The following TRAF2 variants were observed in gnomAD, a reference collection of about 807,000 sequenced individuals.
The protein encoded by TRAF2 is TNF receptor associated factor 2.
A neutral mutation model predicts 55.6 loss-of-function variants in TRAF2; 6 were observed. The ratio of observed to expected loss-of-function variants is 0.11; its 90% CI spans 0.06 to 0.21. The LOEUF is 0.21. TRAF2 is among the 10% of genes least tolerant of loss of function. TRAF2 has a pLI of 1.00. For missense variants in TRAF2, 561 were observed against 684.5 expected, an observed-to-expected ratio of 0.82 and a Z score of 2.01; for synonymous variants, 329 against 276.3, an observed-to-expected ratio of 1.19 and a Z score of -1.89.
intron 6 of TRAF2, among the ~76,000 whole-genome samples, chr9:136,911,037 C>T (rs1588435946): frequency 6.6e-6 from 1 of 152,320 alleles, no homozygotes; most frequent in African/African-American, 2.4e-5. Flanking sequence ...CTGGAGGTGC[C>T]CCCGAGAGGT....
chr9:136,900,784 T>C, intron 4 of TRAF2: 1 of 430,256 alleles, frequency 2.3e-6, no homozygotes, highest in East Asian at 5.1e-5. Flanking sequence ...CTCAGGTTTC[T>C]TGTCTGTCGA....
chr9:136,910,217 C>T (rs1186240181), intron 6 of TRAF2: 1 of 597,740 alleles, frequency 1.7e-6, no homozygotes, highest in South Asian at 2.0e-5. Context: ...TCCTCATCCT[C>T]CAGTGTACAT....
rs974387791 is a variant in TRAF2, at chr9:136,904,747, A to G, written c.367-3323A>G. ...TTAATTAAATCTAAGAACATTGACTATTTGTGCTTTCGTTTTTAGGTTTCA... is the reference window on the plus strand; with the variant it reads ...TTAATTAAATCTAAGAACATTGACTGTTTGTGCTTTCGTTTTTAGGTTTCA... On this transcript the variant is annotated intron_variant, in intron 4 of 10. Coordinates refer to ENST00000247668, the MANE Select transcript of TRAF2 (RefSeq NM_021138.4). 5.8e-5 allele frequency among the ~76,000 whole-genome samples: 4 copies of G among 69,432 alleles called. No homozygotes were observed. The East Asian group carries it at 2.1e-3, about 36-fold the overall frequency. 45.6% of individuals were successfully genotyped at this position (69,432 alleles called of 152,430 possible). A position where few individuals can be genotyped will look rare whatever the true frequency, so the allele number is the denominator to read the frequency against.
intron 1 of TRAF2, among the ~76,000 whole-genome samples, chr9:136,896,765 C>T (rs1006524079): frequency 2.0e-5 from 3 of 152,116 alleles, no homozygotes; most frequent in African/African-American, 4.8e-5. Context: ...CCCGCCGCCA[C>T]GCCCGGCTAA....
At chr9:136,897,724 C>T (rs554410520) in intron 1 of TRAF2, among the ~76,000 whole-genome samples, 3 of 138,168 alleles carry the variant, frequency 2.2e-5, no homozygotes, top group African/African-American at 8.4e-5. Flanking sequence ...AGGTGTGCTA[C>T]GTTCCCGCTC....
chr9:136,897,687 G>T (rs1270270525), intron 1 of TRAF2, among the ~76,000 whole-genome samples: 1 of 140,150 alleles, frequency 7.1e-6, no homozygotes, highest in Non-Finnish European at 1.5e-5. Flanking sequence ...ACCCGTGGTA[G>T]CTAAAGGGAA....
chr9:136,919,361 C>T (rs1337264194), intron 7 of TRAF2, among the ~76,000 whole-genome samples: 11 of 142,950 alleles, frequency 7.7e-5, no homozygotes, highest in Admixed American at 2.2e-4. Context: ...TACAGTGGCG[C>T]GATCTCGGCT....
In TRAF2 at chr9:136,916,575, G is replaced by A. The variant is rs758339862; in HGVS notation, c.638G>A (p.Arg213Gln). 7.4e-6 allele frequency: 12 copies of A among 1,613,888 alleles called. No homozygotes were observed. Among genetic ancestry groups the A allele is most frequent in the South Asian group, 1.1e-5 (1 of 91,076 alleles). ...QDHVKTCGKC[R>Q]VPCRFHAIGC... ...CACGTCAAGACTTGTGGCAAGTGTCGAGTCCCTTGCAGATTCCACGCCATC... is the reference window on the plus strand; with the variant it reads ...CACGTCAAGACTTGTGGCAAGTGTCAAGTCCCTTGCAGATTCCACGCCATC... Residue 213 changes from arginine to glutamine, a missense_variant, in exon 7 of 11, where the codon CGA becomes CAA. This residue lies in a region of TRAF2 where 426 missense variants were observed against 476.8 expected (regional missense o/e 0.89). Transcript: ENST00000247668.
intron 1 of TRAF2, among the ~76,000 whole-genome samples, chr9:136,892,743 G>A (rs1378099666): frequency 2.6e-5 from 4 of 151,992 alleles, no homozygotes; most frequent in Admixed American, 2.6e-4. Flanking sequence ...AGCCAGGCGT[G>A]GTGACAGGCG....
At chr9:136,896,951 G>A (rs976415547) in intron 1 of TRAF2, among the ~76,000 whole-genome samples, 4 of 152,188 alleles carry the variant, frequency 2.6e-5, no homozygotes, top group Admixed American at 6.5e-5. Flanking sequence ...TGCCTGCCGG[G>A]TGACTGCTCG....
chr9:136,904,616 C>G (rs932689981), intron 4 of TRAF2, among the ~76,000 whole-genome samples: 3 of 151,968 alleles, frequency 2.0e-5, no homozygotes, highest in African/African-American at 4.8e-5. Context: ...ACTGTGTTAG[C>G]CAGGATGGTC....
At chr9:136,905,974 G>C (rs952315211) in intron 4 of TRAF2, among the ~76,000 whole-genome samples, 1 of 152,148 alleles carries the variant, frequency 6.6e-6, no homozygotes, top group African/African-American at 2.4e-5. Flanking sequence ...GTGTGGTGGC[G>C]GGCGCCCGTA....
intron 4 of TRAF2, among the ~76,000 whole-genome samples, chr9:136,901,595 C>CA (rs1454629642): frequency 1.3e-5 from 2 of 152,142 alleles, no homozygotes; most frequent in Non-Finnish European, 2.9e-5. Context: ...ATGGAGGAGA[C>CA]AGGGGTCATT....
At chr9:136,912,445 C>A (rs1850137681) in intron 6 of TRAF2, among the ~76,000 whole-genome samples, 1 of 152,164 alleles carries the variant, frequency 6.6e-6, no homozygotes, top group Admixed American at 6.6e-5. Flanking sequence ...CAGGCGTGAG[C>A]CACTGTGCCT....
intron 9 of TRAF2, chr9:136,922,593 C>CT (rs1235774314): frequency 1.3e-5 from 2 of 154,560 alleles, no homozygotes; most frequent in Non-Finnish European, 2.9e-5. Flanking sequence ...CAGAATGGGC[C>CT]TGGGGGCACG....
At chr9:136,919,329 G>A (rs1354981906) in intron 7 of TRAF2, among the ~76,000 whole-genome samples, 12 of 101,026 alleles carry the variant, frequency 1.2e-4, no homozygotes, top group Non-Finnish European at 2.2e-4. Context: ...ACAGAGTTTC[G>A]CTCTTGTTGC....
chr9:136,918,188 ATT>A (rs1242429459), intron 7 of TRAF2, among the ~76,000 whole-genome samples: 2 of 146,496 alleles, frequency 1.4e-5, no homozygotes, highest in Non-Finnish European at 3.0e-5. Context: ...ATGTAGGTCC[ATT>A]TGTTTCTTTT....
At chr9:136,910,480 C>G (rs537625636) in intron 6 of TRAF2, among the ~76,000 whole-genome samples, 9 of 152,294 alleles carry the variant, frequency 5.9e-5, no homozygotes, top group African/African-American at 2.2e-4. Context: ...GGTTTCTCTC[C>G]CAGTTGAGAG....
At chr9:136,917,389 G>C (rs1489606752) in intron 7 of TRAF2, among the ~76,000 whole-genome samples, 1 of 152,180 alleles carries the variant, frequency 6.6e-6, no homozygotes. Flanking sequence ...AGGCGCCTGG[G>C]TCTCTCCAGG....
Sources: allele counts gnomAD v4.1 joint callset (sites outside exome capture counted in the v4.1 genomes callset), GRCh38; gene constraint gnomAD v4.1.1; regional missense constraint gnomAD v4.1.1; transcripts MANE v1.5; gene names NCBI Gene and HGNC (gene_info 2026-07-23, HGNC 2026-07-21).